The following TNS3 variants were observed in gnomAD, a reference collection of about 807,000 sequenced individuals.
TNS3 encodes the protein tensin 3, also known as tensin-3.
A neutral mutation model predicts 140.9 loss-of-function variants in TNS3; 45 were observed. That is an observed-to-expected ratio of 0.32 (90% CI 0.25 to 0.41). The LOEUF (loss-of-function observed/expected upper bound fraction) is 0.41, where lower values mean the gene tolerates loss of function less well. Ranked by LOEUF, TNS3 falls within the 10% of genes least tolerant of loss-of-function variation. The probability of loss-of-function intolerance (pLI) is 1.00; values close to 1 mark genes in which losing one functional copy is unlikely to be tolerated. For missense variants in TNS3, 1,716 were observed against 1,906.7 expected, an observed-to-expected ratio of 0.90 and a Z score of 1.86; for synonymous variants, 815 against 788.4, an observed-to-expected ratio of 1.03 and a Z score of -0.56.
chr7:47,522,927 C>CAGAAA (rs1799042267), intron 2 of TNS3, among the ~76,000 whole-genome samples: 1 of 139,682 alleles, frequency 7.2e-6, no homozygotes, highest in Non-Finnish European at 1.5e-5. Flanking sequence ...GACTCCATCT[C>CAGAAA]AAAAAAAAAA....
chr7:47,451,709 A>C (rs968149619), intron 4 of TNS3, among the ~76,000 whole-genome samples: 1 of 152,238 alleles, frequency 6.6e-6, no homozygotes, highest in Non-Finnish European at 1.5e-5. Flanking sequence ...AGGACAATTA[A>C]ACAGGTTGGG....
At chr7:47,287,742 G>C (rs185095196) in intron 27 of TNS3, among the ~76,000 whole-genome samples, 1 of 152,264 alleles carries the variant, frequency 6.6e-6, no homozygotes, top group Admixed American at 6.5e-5. Flanking sequence ...GCAGACATTC[G>C]CAGCTCTCAA....
At chr7:47,514,696 G>A (rs960379976) in intron 2 of TNS3, among the ~76,000 whole-genome samples, 4 of 151,878 alleles carry the variant, frequency 2.6e-5, no homozygotes, top group Admixed American at 2.6e-4. Flanking sequence ...TGATAGTCTC[G>A]CTGATTCCAC....
intron 17 of TNS3, among the ~76,000 whole-genome samples, chr7:47,356,681 G>A (rs1324843876): frequency 6.6e-6 from 1 of 152,154 alleles, no homozygotes; most frequent in Non-Finnish European, 1.5e-5. Context: ...ATGTCCATTG[G>A]TTTGACTGTA....
intron 7 of TNS3, 96 bp from the exon 8 acceptor site, chr7:47,435,500 T>C: frequency 1.3e-6 from 2 of 1,564,862 alleles, no homozygotes; most frequent in Non-Finnish European, 8.7e-7. Flanking sequence ...ACATTTCATT[T>C]GGGAGTAAAG....
At chr7:47,484,756 A>G (rs552244512) in intron 3 of TNS3, among the ~76,000 whole-genome samples, 3 of 152,250 alleles carry the variant, frequency 2.0e-5, no homozygotes, top group African/African-American at 7.2e-5. Context: ...CAGGTAAGGG[A>G]GTAAGGCACA....
At position 47,369,312 on chromosome 7, in the gene TNS3, G is replaced by C; in HGVS notation, c.1334C>G (p.Thr445Ser). 6.2e-7 allele frequency: 1 copy of C among 1,614,162 alleles called. No individual in the cohort carries two copies. ...CCCACTGTACTTGCTTCGAGCATCAGTCATTTCCTTGAGGGAGCTTCCAGG... is the reference window on the plus strand; with the variant it reads ...CCCACTGTACTTGCTTCGAGCATCACTCATTTCCTTGAGGGAGCTTCCAGG... ...EDPGSSLKEM[T>S]DARSKYSGTR... Residue 445 changes from threonine (T) to serine (S), a missense_variant, in exon 17 of 31, where the codon ACT becomes AGT. Around this residue, in one of 3 missense-constraint regions of TNS3, gnomAD observed 1,163 missense variants for 1,182.1 expected, o/e 0.98. Transcript: ENST00000311160.
At chr7:47,365,782 AG>A (rs1790663851) in intron 17 of TNS3, among the ~76,000 whole-genome samples, 1 of 152,164 alleles carries the variant, frequency 6.6e-6, no homozygotes, top group Non-Finnish European at 1.5e-5. Context: ...AAAAAAATAA[AG>A]TAATGAGTTT....
chr7:47,509,860 G>C (rs1046954753), intron 2 of TNS3, among the ~76,000 whole-genome samples: 5 of 152,044 alleles, frequency 3.3e-5, no homozygotes, highest in South Asian at 2.1e-4. Flanking sequence ...ATCATGGCTT[G>C]TCATATCATG....
At chr7:47,434,134 A>G (rs1584649689) in intron 8 of TNS3, among the ~76,000 whole-genome samples, 1 of 152,302 alleles carries the variant, frequency 6.6e-6, no homozygotes, top group East Asian at 1.9e-4. Context: ...CTGCACATCA[A>G]GTGGTCATCA....
At chr7:47,499,709 A>G (rs1447449049) in intron 3 of TNS3, among the ~76,000 whole-genome samples, 1 of 152,228 alleles carries the variant, frequency 6.6e-6, no homozygotes, top group Non-Finnish European at 1.5e-5. Flanking sequence ...GCCGGGGTGC[A>G]GGAGAGAGAA....
At chr7:47,331,992 T>C (rs539005244) in intron 20 of TNS3, among the ~76,000 whole-genome samples, 2 of 152,286 alleles carry the variant, frequency 1.3e-5, no homozygotes, top group African/African-American at 4.8e-5. Flanking sequence ...CAGTAACAAA[T>C]GTCAAGAAGC....
chr7:47,339,083 T>C (rs974052715), intron 20 of TNS3, among the ~76,000 whole-genome samples: 5 of 152,228 alleles, frequency 3.3e-5, no homozygotes, highest in Non-Finnish European at 2.9e-5. Context: ...TATTGAGAGA[T>C]TATATACATT....
At chr7:47,314,303 C>T (rs569916180) in intron 20 of TNS3, among the ~76,000 whole-genome samples, 3 of 152,340 alleles carry the variant, frequency 2.0e-5, no homozygotes, top group East Asian at 1.9e-4. Context: ...CACCTACCAT[C>T]TCCACTTCCC....
chr7:47,482,093 T>C (rs1037594023), intron 3 of TNS3, among the ~76,000 whole-genome samples: 15 of 152,342 alleles, frequency 9.8e-5, no homozygotes, highest in African/African-American at 3.6e-4. Flanking sequence ...CAGTTCCTGG[T>C]GAGTGACCTC....
At chr7:47,565,810 C>A (rs540050546) in intron 1 of TNS3, among the ~76,000 whole-genome samples, 1 of 152,304 alleles carries the variant, frequency 6.6e-6, no homozygotes, top group African/African-American at 2.4e-5. Context: ...ATTTCTTAAT[C>A]TTAGGCAAAA....
chr7:47,524,828 A>AAAAAAAAAG, intron 2 of TNS3, among the ~76,000 whole-genome samples: 2 of 147,514 alleles, frequency 1.4e-5, no homozygotes, highest in Admixed American at 6.7e-5. Flanking sequence ...AAAAAAAAAA[A>AAAAAAAAAG]AAAAAAAAGG....
chr7:47,517,878 T>A (rs1798832069), intron 2 of TNS3, among the ~76,000 whole-genome samples: 1 of 151,952 alleles, frequency 6.6e-6, no homozygotes, highest in African/African-American at 2.4e-5. Context: ...TAGCAGCAAA[T>A]GGGTGAGAAG....
Position 47,409,821 on chromosome 7 carries a change from C to T in TNS3, c.723+1906G>A, listed in dbSNP as rs1338842237. On this transcript the variant is annotated intron_variant, in intron 13 of 30. Transcript: ENST00000311160. ...TACAGGCACGCGCCACCTTGCCCAGCTTATTTTTTGTATTTTTAGTAGAGA... is the reference window on the plus strand; with the variant it reads ...TACAGGCACGCGCCACCTTGCCCAGTTTATTTTTTGTATTTTTAGTAGAGA... Among the ~76,000 whole-genome samples, 4 of 152,308 alleles carry T rather than the reference C, an allele frequency of 2.6e-5. No individual in the cohort carries two copies. The East Asian group carries it at 5.8e-4, about 22-fold the overall frequency.
Sources: gnomAD v4.1 joint callset for allele counts (sites outside exome capture counted in the v4.1 genomes callset) on GRCh38, gnomAD v4.1.1 for gene constraint, gnomAD v4.1.1 regional missense constraint, MANE v1.5 for transcripts, NCBI Gene and HGNC (gene_info 2026-07-23, HGNC 2026-07-21) for gene names.